Variants in KCNMB2 observed in about 807,000 individuals in gnomAD.
KCNMB2 encodes potassium calcium-activated channel subfamily M regulatory beta subunit 2, also known as calcium-activated potassium channel subunit beta-2.
In KCNMB2, 9 loss-of-function variants were observed where a neutral mutation model predicts 24.5. The ratio of observed to expected loss-of-function variants is 0.37; its 90% CI spans 0.22 to 0.64. KCNMB2 has a LOEUF of 0.64. KCNMB2 is among the 30% of genes least tolerant of loss of function. The probability of loss-of-function intolerance (pLI) is 0.63; values close to 1 mark genes in which losing one functional copy is unlikely to be tolerated. For missense variants in KCNMB2, 226 were observed against 284.3 expected (o/e 0.79, Z 1.47); for synonymous variants, 109 against 104.4 (o/e 1.04, Z -0.27).
chr3:178,751,488 C>T (rs1273596138), intron 1 of KCNMB2, among the ~76,000 whole-genome samples: 4 of 137,950 alleles, frequency 2.9e-5, no homozygotes, highest in African/African-American at 5.6e-5. Flanking sequence ...GCAGGAGAAT[C>T]GCTTGAACCT....
chr3:178,833,200 A>C (rs1020078259), intron 4 of KCNMB2, among the ~76,000 whole-genome samples: 4 of 152,168 alleles, frequency 2.6e-5, no homozygotes, highest in African/African-American at 7.2e-5. Context: ...GCAGCCCTTC[A>C]GAATCCCAAC....
intron 1 of KCNMB2, among the ~76,000 whole-genome samples, chr3:178,561,714 T>G (rs1716322362): frequency 6.6e-6 from 1 of 152,098 alleles, no homozygotes; most frequent in Admixed American, 6.6e-5. Flanking sequence ...ATGCCAAAAC[T>G]CAGAAGGGAA....
intron 2 of KCNMB2, among the ~76,000 whole-genome samples, chr3:178,815,868 G>T (rs1280270900): frequency 6.6e-6 from 1 of 151,748 alleles, no homozygotes; most frequent in Non-Finnish European, 1.5e-5. Context: ...ATAAGTTCCT[G>T]GGATAACCAC....
intron 1 of KCNMB2, among the ~76,000 whole-genome samples, chr3:178,739,663 C>T (rs1190753161): frequency 2.6e-5 from 4 of 152,132 alleles, no homozygotes; most frequent in African/African-American, 9.7e-5. Flanking sequence ...CTTTGGAAAA[C>T]AGTGTGCTAT....
intron 2 of KCNMB2, among the ~76,000 whole-genome samples, chr3:178,821,024 C>G (rs1714606717): frequency 6.6e-6 from 1 of 152,170 alleles, no homozygotes; most frequent in African/African-American, 2.4e-5. Flanking sequence ...AATTCCTGCT[C>G]TACACCCACT....
At chr3:178,648,727 C>A (rs543064256) in intron 1 of KCNMB2, among the ~76,000 whole-genome samples, 99 of 152,168 alleles carry the variant, frequency 6.5e-4, no homozygotes, top group African/African-American at 2.0e-3. Flanking sequence ...TCCTTGCTGC[C>A]GTAACAAATA....
At chr3:178,540,254 A>G (rs1386128481) in intron 1 of KCNMB2, among the ~76,000 whole-genome samples, 1 of 152,120 alleles carries the variant, frequency 6.6e-6, no homozygotes, top group African/African-American at 2.4e-5. Flanking sequence ...AACTGTGCCT[A>G]GCTTTAATTA....
At chr3:178,756,963 A>G (rs1372844521) in intron 1 of KCNMB2, 1 of 151,998 alleles carries the variant, frequency 6.6e-6, no homozygotes, top group Non-Finnish European at 1.5e-5. Context: ...AAAATTGCCA[A>G]GAAAAAGTAC....
At chr3:178,774,351 T>C (rs574792503) in intron 1 of KCNMB2, among the ~76,000 whole-genome samples, 102 of 152,304 alleles carry the variant, frequency 6.7e-4, no homozygotes, top group African/African-American at 2.1e-3. Flanking sequence ...AAAGACAGGA[T>C]AGGAAACATA....
intron 3 of KCNMB2, among the ~76,000 whole-genome samples, chr3:178,825,987 C>A (rs747039007): frequency 2.0e-5 from 3 of 152,246 alleles, no homozygotes; most frequent in Non-Finnish European, 1.5e-5. Flanking sequence ...TTAATTATCA[C>A]AATTACTCTA....
intron 1 of KCNMB2, among the ~76,000 whole-genome samples, chr3:178,568,881 T>TAGAC (rs1560112515): frequency 6.8e-6 from 1 of 146,104 alleles, no homozygotes; most frequent in Non-Finnish European, 1.5e-5. Context: ...GATAGATAGA[T>TAGAC]AGATAGATAG....
At position 178,781,883 on chromosome 3, in the gene KCNMB2, G is replaced by A. The variant is rs1242528761; in HGVS notation, c.-67-25460G>A. On this transcript the variant is annotated intron_variant, in intron 1 of 4. Coordinates refer to ENST00000452583, the MANE Select transcript of KCNMB2 (RefSeq NM_181361.3). Reference sequence around the variant, plus strand: ...TATACATGTGCCATGCTGGTGCGCTGCACCCACTAACTCGTCATCTAGCAT... The same window carrying A: ...TATACATGTGCCATGCTGGTGCGCTACACCCACTAACTCGTCATCTAGCAT... 5.5e-5 allele frequency among the ~76,000 whole-genome samples: 8 copies of A among 146,774 alleles called. No homozygotes were observed. In the East Asian group the frequency reaches 1.6e-3, roughly 29 times the overall value.
rs76340682 is a variant in KCNMB2 at position 178,728,372 on chromosome 3, G to C, written c.-67-78971G>C. On this transcript the variant is annotated intron_variant, in intron 1 of 4. Coordinates refer to ENST00000452583, the MANE Select transcript of KCNMB2 (RefSeq NM_181361.3). ...TTAGTGAGGTTATTTTGGGAAACAT[G>C]ATGGGCCAAAATGGGGGAGAAACTG... Among the ~76,000 whole-genome samples the C allele has an allele frequency of 3.2e-3, 494 of 152,242 alleles. 24 individuals carry two copies. The East Asian group carries it at 0.077, about 24-fold the overall frequency.
At chr3:178,839,733 T>C (rs778450904) in intron 4 of KCNMB2, among the ~76,000 whole-genome samples, 6 of 152,072 alleles carry the variant, frequency 3.9e-5, no homozygotes, top group African/African-American at 9.7e-5. Flanking sequence ...GAGAACTCAC[T>C]CATTATCATG....
At chr3:178,656,653 A>G (rs1206016954) in intron 1 of KCNMB2, among the ~76,000 whole-genome samples, 1 of 151,994 alleles carries the variant, frequency 6.6e-6, no homozygotes, top group Non-Finnish European at 1.5e-5. Context: ...GGTGCCTGTA[A>G]TCCCAGCTAC....
chr3:178,605,285 A>C (rs1052935447), intron 1 of KCNMB2, among the ~76,000 whole-genome samples: 1 of 152,150 alleles, frequency 6.6e-6, no homozygotes, highest in Non-Finnish European at 1.5e-5. Context: ...CACTAAATCT[A>C]TCAGTGCTTT....
At chr3:178,709,093 G>A (rs1577115115) in intron 1 of KCNMB2, among the ~76,000 whole-genome samples, 1 of 152,138 alleles carries the variant, frequency 6.6e-6, no homozygotes, top group South Asian at 2.1e-4. Context: ...AAATCAACAT[G>A]AAGAAAATGA....
chr3:178,581,755 CAT>C (rs1459364715), intron 1 of KCNMB2, among the ~76,000 whole-genome samples: 2 of 152,010 alleles, frequency 1.3e-5, no homozygotes, highest in Non-Finnish European at 2.9e-5. Context: ...AGCCAACAAA[CAT>C]ATGAAAAAAA....
At chr3:178,628,788 T>C (rs1228800709) in intron 1 of KCNMB2, among the ~76,000 whole-genome samples, 1 of 152,180 alleles carries the variant, frequency 6.6e-6, no homozygotes, top group Non-Finnish European at 1.5e-5. Context: ...TTCAAATGCC[T>C]AAGTCTTTTA....
Sources: allele counts gnomAD v4.1 joint callset (sites outside exome capture counted in the v4.1 genomes callset), GRCh38; gene constraint gnomAD v4.1.1; transcripts MANE v1.5; gene names NCBI Gene and HGNC (gene_info 2026-07-23, HGNC 2026-07-21).